RBFOX1: variants seen among roughly 807,000 people sequenced by gnomAD.
RBFOX1 encodes RNA binding fox-1 homolog 1, also known as RNA binding protein fox-1 homolog 1.
A neutral mutation model predicts 57.7 loss-of-function variants in RBFOX1; 8 were observed. The ratio of observed to expected loss-of-function variants is 0.14; its 90% confidence interval spans 0.08 to 0.25. RBFOX1 has a LOEUF of 0.25. Ranked by LOEUF, RBFOX1 falls within the 10% of genes least tolerant of loss-of-function variation. The pLI, the probability that RBFOX1 is intolerant of heterozygous loss-of-function variation, is 1.00. For missense variants in RBFOX1, 611 were observed against 548.5 expected, an observed-to-expected ratio of 1.11 and a Z score of -1.14; for synonymous variants, 326 against 222.4, an observed-to-expected ratio of 1.47 and a Z score of -4.15.
chr16:6,995,428 T>C (rs2092110413), intron 3 of RBFOX1, among the ~76,000 whole-genome samples: 1 of 151,880 alleles, frequency 6.6e-6, no homozygotes, highest in African/African-American at 2.4e-5. Context: ...ATGGGGTGTT[T>C]TAAAATTCCC....
At chr16:5,318,448 C>A (rs2064303455) in intron 1 of RBFOX1, among the ~76,000 whole-genome samples, 1 of 152,186 alleles carries the variant, frequency 6.6e-6, no homozygotes, top group South Asian at 2.1e-4. Context: ...ATATCTAATC[C>A]AGCCGTTACC....
At chr16:6,840,678 A>G (rs1008190865) in intron 3 of RBFOX1, among the ~76,000 whole-genome samples, 13 of 151,852 alleles carry the variant, frequency 8.6e-5, no homozygotes. Flanking sequence ...CATGAGGTCA[A>G]CAGATCGAGA....
At chr16:6,069,279 T>C (rs924326551) in intron 1 of RBFOX1, among the ~76,000 whole-genome samples, 3 of 151,780 alleles carry the variant, frequency 2.0e-5, no homozygotes, top group African/African-American at 7.3e-5. Flanking sequence ...ATACCTGTAA[T>C]TCCAACTACT....
At chr16:7,596,223 A>G (rs1241641762) in intron 8 of RBFOX1, among the ~76,000 whole-genome samples, 1 of 150,704 alleles carries the variant, frequency 6.6e-6, no homozygotes, top group Non-Finnish European at 1.5e-5. Context: ...TTTTGATAAC[A>G]AAGTGAATAA....
chr16:6,737,883 G>C (rs1275883840), intron 3 of RBFOX1, among the ~76,000 whole-genome samples: 1 of 152,100 alleles, frequency 6.6e-6, no homozygotes, highest in Non-Finnish European at 1.5e-5. Context: ...TTTTCGAGAT[G>C]GGGGAAGCCA....
chr16:6,791,244 T>C (rs1211353439), intron 3 of RBFOX1, among the ~76,000 whole-genome samples: 1 of 152,198 alleles, frequency 6.6e-6, no homozygotes, highest in Admixed American at 6.5e-5. Context: ...CAGAAGATGC[T>C]AGGAGATTCC....
chr16:5,544,217 C>T (rs546884856), intron 2 of RBFOX1, among the ~76,000 whole-genome samples: 1 of 152,196 alleles, frequency 6.6e-6, no homozygotes, highest in Admixed American at 6.6e-5. Flanking sequence ...GGATTCAGGT[C>T]CTGCAAAGTA....
intron 3 of RBFOX1, among the ~76,000 whole-genome samples, chr16:6,678,763 G>C (rs553383357): frequency 6.6e-6 from 1 of 152,180 alleles, no homozygotes; most frequent in South Asian, 2.1e-4. Context: ...AGATACCACT[G>C]ACTTGAAGCT....
At chr16:6,965,224 G>A (rs998097244) in intron 3 of RBFOX1, among the ~76,000 whole-genome samples, 3 of 152,026 alleles carry the variant, frequency 2.0e-5, no homozygotes, top group Non-Finnish European at 4.4e-5. Flanking sequence ...GAAAAGGAAA[G>A]CATTGCTTTG....
chr16:7,649,902 T>C (rs573861004), intron 11 of RBFOX1, among the ~76,000 whole-genome samples: 2 of 150,972 alleles, frequency 1.3e-5, no homozygotes, highest in Non-Finnish European at 2.9e-5. Context: ...CCAAAGTGAC[T>C]GAAAGGAAGG....
intron 2 of RBFOX1, among the ~76,000 whole-genome samples, chr16:6,488,554 A>G (rs1339982101): frequency 6.6e-6 from 1 of 152,148 alleles, no homozygotes; most frequent in Non-Finnish European, 1.5e-5. Flanking sequence ...AATTTTCAAG[A>G]CTTTTTATAA....
At chr16:5,999,972 C>A (rs976589721) in intron 4 of RBFOX1, among the ~76,000 whole-genome samples, 4 of 146,976 alleles carry the variant, frequency 2.7e-5, no homozygotes, top group Non-Finnish European at 4.5e-5. Context: ...TGTTACTGAG[C>A]GGACCACAGC....
At chr16:6,849,879 C>T (rs1489885695) in intron 3 of RBFOX1, among the ~76,000 whole-genome samples, 2 of 152,108 alleles carry the variant, frequency 1.3e-5, no homozygotes, top group Non-Finnish European at 2.9e-5. Context: ...ACTTAACTCT[C>T]CCTGATTTAT....
Position 6,093,397 on chromosome 16 carries a change from G to A in RBFOX1, c.-127+73405G>A, listed in dbSNP as rs546566160. ...AAGGTCAGCCTAGGTATAGTGAGAC[G>A]CCATCTCTTAAAAAATTAATAATAA... On this transcript the variant is annotated intron_variant, in intron 1 of 15. Transcript: ENST00000550418. Among the ~76,000 whole-genome samples the A allele has an allele frequency of 7.2e-5, 11 of 152,014 alleles. No homozygotes were observed. In the East Asian group the frequency reaches 1.2e-3, roughly 16 times the overall value.
At chr16:6,049,547 G>C (rs192697250) in intron 1 of RBFOX1, among the ~76,000 whole-genome samples, 1 of 152,044 alleles carries the variant, frequency 6.6e-6, no homozygotes, top group African/African-American at 2.4e-5. Context: ...ATTTCAGGTT[G>C]CATCTCTAAA....
intron 4 of RBFOX1, among the ~76,000 whole-genome samples, chr16:7,110,723 A>T (rs1338191786): frequency 6.6e-6 from 1 of 152,136 alleles, no homozygotes; most frequent in African/African-American, 2.4e-5. Flanking sequence ...TAATAGCCTA[A>T]AAACAAGATT....
intron 1 of RBFOX1, among the ~76,000 whole-genome samples, chr16:5,335,831 C>G (rs947418293): frequency 1.3e-5 from 2 of 152,042 alleles, no homozygotes; most frequent in Admixed American, 6.5e-5. Flanking sequence ...TGAATGGATC[C>G]TATCAAAAGA....
At position 5,399,462 on chromosome 16, in the gene RBFOX1, C is replaced by T. The variant is rs1338116558; in HGVS notation, c.220-67754C>T. Among the ~76,000 whole-genome samples the T allele has an allele frequency of 2.0e-5, 3 of 152,118 alleles. 1 individual carries two copies. The highest frequency in any genetic ancestry group is 4.1e-4 in the South Asian group (2 of 4,820). ...AGAAAGTAAGAATTGCTCTTAATCA[C>T]CCCATTGGGAGAATGAACACCATTA... On this transcript the variant is annotated intron_variant, in intron 1 of 2. Coordinates refer to the RBFOX1 transcript ENST00000585867.
chr16:6,720,618 A>G (rs1421690333), intron 3 of RBFOX1, among the ~76,000 whole-genome samples: 3 of 152,028 alleles, frequency 2.0e-5, no homozygotes, highest in African/African-American at 4.8e-5. Flanking sequence ...CTGCTGGAGA[A>G]TAGTTGGGGA....
Sources: gnomAD v4.1 joint callset for allele counts (sites outside exome capture counted in the v4.1 genomes callset) on GRCh38, gnomAD v4.1.1 for gene constraint, MANE v1.5 for transcripts, NCBI Gene and HGNC (gene_info 2026-07-23, HGNC 2026-07-21) for gene names.